Variants in ANKRD30B observed in about 807,000 individuals in gnomAD.
ANKRD30B encodes ankyrin repeat domain-containing protein 30B.
A neutral mutation model predicts 202.2 loss-of-function variants in ANKRD30B; 144 were observed. The ratio of observed to expected loss-of-function variants is 0.71; its 90% CI spans 0.62 to 0.82. The LOEUF is 0.82. Among genes scored for constraint, ANKRD30B ranks in the 40% least tolerant of loss-of-function variants. The pLI is 0.00. For missense variants in ANKRD30B, 1,487 were observed against 1,669.1 expected (o/e 0.89, Z 1.90); for synonymous variants, 508 against 561.3 (o/e 0.91, Z 1.34).
chr18:14,909,654 T>G, the ANKRD30B span, among the ~76,000 whole-genome samples: 1 of 152,198 alleles, frequency 6.6e-6, no homozygotes. Context: ...GTGATCCACA[T>G]GCTTGGCCTC....
At chr18:14,892,770 T>C in the ANKRD30B span, among the ~76,000 whole-genome samples, 1 of 94,314 alleles carries the variant, frequency 1.1e-5, no homozygotes, top group Admixed American at 1.1e-4. Context: ...AAAAAAAAAT[T>C]AGTTGGGCAT....
rs1217985479 is a variant in ANKRD30B, at chr18:14,807,986, T to G, written c.2285-565T>G. Among the ~76,000 whole-genome samples the G allele has an allele frequency of 1.3e-5, 2 of 151,084 alleles. 1 individual carries two copies. The highest frequency in any genetic ancestry group is 2.9e-5 in the Non-Finnish European group (2 of 67,808). ...ATATTCATAACTTTTATTCTATAAG[T>G]AGATATTTATGCTGATAAATTTAGA... On this transcript the variant is annotated intron_variant, in intron 24 of 43. Coordinates refer to ENST00000690538, the MANE Select transcript of ANKRD30B (RefSeq NM_001367607.2).
chr18:14,768,174 T>G (rs1567991564), intron 7 of ANKRD30B, among the ~76,000 whole-genome samples: 1 of 152,116 alleles, frequency 6.6e-6, no homozygotes, highest in African/African-American at 2.4e-5. Context: ...TTCATGCCTA[T>G]GTAATAAAGC....
intron 30 of ANKRD30B, among the ~76,000 whole-genome samples, chr18:14,818,436 G>C (rs1394970603): frequency 1.3e-5 from 2 of 151,652 alleles, no homozygotes; most frequent in South Asian, 2.1e-4. Context: ...ATGTATACAT[G>C]TGCCATGCTG....
At chr18:14,816,077 T>C (rs1970085861) in intron 30 of ANKRD30B, 1 of 152,148 alleles carries the variant, frequency 6.6e-6, no homozygotes, top group African/African-American at 2.4e-5. Flanking sequence ...TTAAAGAACA[T>C]GGTGAATATT....
the ANKRD30B span, among the ~76,000 whole-genome samples, chr18:14,865,658 A>G: frequency 6.7e-6 from 1 of 149,012 alleles, no homozygotes; most frequent in African/African-American, 2.5e-5. Flanking sequence ...TCTTTATGCA[A>G]TGCCTTCTCC....
rs370210631 is a variant in ANKRD30B, at chr18:14,796,230, T to A, written c.1835T>A (p.Val612Asp). The change falls in exon 17 of 44, where the codon GTT (valine) becomes GAT (aspartate). Residue 612 changes from valine to aspartate, a missense_variant. By Grantham distance (152) the Val-to-Asp change is radical (BLOSUM62 -3). Coordinates refer to ENST00000690538, the MANE Select transcript of ANKRD30B (RefSeq NM_001367607.2). ...TLSGKLEESP[V>D]KDGLLKPTCG... ...GTCCCTTTACGTTTAGAGTCTCCTG[T>A]TAAAGATGGTCTTCTGAAGGTAATA... 3.1e-5 allele frequency: 49 copies of A among 1,600,892 alleles called. 1 individual carries two copies. The highest frequency in any genetic ancestry group is 1.9e-4 in the South Asian group (17 of 90,764).
chr18:14,791,358 G>GGATTT, intron 15 of ANKRD30B, 43 bp from the exon 16 acceptor site: 1 of 1,506,770 alleles, frequency 6.6e-7, no homozygotes, highest in Non-Finnish European at 9.1e-7. Flanking sequence ...TTCATTACTA[G>GGATTT]GATTTTTTCA....
At chr18:14,842,864 T>G (rs1339692189) in intron 37 of ANKRD30B, 33 bp from the exon 38 acceptor site, 2 of 1,547,622 alleles carry the variant, frequency 1.3e-6, no homozygotes, top group African/African-American at 2.7e-5. Flanking sequence ...CATATTTACT[T>G]ATGACTGATA....
At chr18:14,784,192 C>A in intron 12 of ANKRD30B, 144 bp from the exon 13 acceptor site, 4 of 807,674 alleles carry the variant, frequency 5.0e-6, no homozygotes, top group Non-Finnish European at 7.9e-6. Context: ...GTGTCCTAAA[C>A]AAACCAAAAG....
chr18:14,852,351 G>C lies in ANKRD30B; in HGVS notation c.4407G>C (p.Glu1469Asp), dbSNP rs1278044793. The C allele has an allele frequency of 6.5e-7, 1 of 1,541,058 alleles. No homozygotes were observed. Among genetic ancestry groups the C allele is most frequent in the East Asian group, 2.4e-5 (1 of 40,852 alleles). The change falls in exon 42 of 44, where the codon GAG becomes GAC. Residue 1469 changes from glutamate (E) to aspartate (D), a missense_variant. By Grantham distance (45) the Glu-to-Asp change is conservative (BLOSUM62 2). This residue lies in a region of ANKRD30B where 182 missense variants were observed against 216.0 expected (regional missense o/e 0.84). Coordinates refer to ENST00000690538, the MANE Select transcript of ANKRD30B (RefSeq NM_001367607.2). ...MQRHLNEKNE[E>D]VFNYGNHLKE... is the part of the protein sequence containing the mutation. ...GTCATCTAAACGAGAAAAATGAGGA[G>C]GTATTCAATTATGGTAACCATTTAA... is the stretch of plus-strand genomic sequence containing the variant.
chr18:14,753,878 TAGA>T (rs1263916749), intron 3 of ANKRD30B, among the ~76,000 whole-genome samples: 23 of 152,122 alleles, frequency 1.5e-4, no homozygotes, highest in Admixed American at 1.1e-3. Context: ...ATAGATGAGT[TAGA>T]ACTTTCATTA....
chr18:14,888,393 GTAACA>G, the ANKRD30B span, among the ~76,000 whole-genome samples: 1 of 151,914 alleles, frequency 6.6e-6, no homozygotes, highest in Admixed American at 6.6e-5. Flanking sequence ...GTAATCAAAT[GTAACA>G]TACTCTTAAG....
chr18:14,893,456 C>T, the ANKRD30B span, among the ~76,000 whole-genome samples: 1 of 152,004 alleles, frequency 6.6e-6, no homozygotes. Context: ...ACTAAAAATA[C>T]AAAAATTAGC....
intron 33 of ANKRD30B, chr18:14,830,192 G>A (rs1970842423): frequency 1.3e-5 from 2 of 154,524 alleles, no homozygotes; most frequent in South Asian, 2.0e-4. Context: ...GGAAGTGGGA[G>A]ACACTTTCAC....
At chr18:14,764,221 T>A (rs1915732896) in intron 7 of ANKRD30B, 131 bp downstream of exon 7, 1 of 946,332 alleles carries the variant, frequency 1.1e-6, no homozygotes, top group African/African-American at 1.7e-5. Flanking sequence ...CACTTTTTAA[T>A]AGTGTAGAAA....
At chr18:14,821,793 CT>C (rs1420022767) in intron 30 of ANKRD30B, among the ~76,000 whole-genome samples, 1 of 152,122 alleles carries the variant, frequency 6.6e-6, no homozygotes, top group African/African-American at 2.4e-5. Context: ...TTTGACTTTT[CT>C]GTATAAGTGG....
In ANKRD30B at chr18:14,850,415, C is replaced by T. The variant is rs758821014; in HGVS notation, c.3564+33C>T. 10 of 1,471,356 alleles carry T rather than the reference C, an allele frequency of 6.8e-6. No homozygotes were observed. The South Asian group carries it at 1.1e-4, about 16-fold the overall frequency. 91.1% of individuals were successfully genotyped at this position (1,471,356 alleles called of 1,614,324 possible). A position where few individuals can be genotyped will look rare whatever the true frequency, so the allele number is the denominator to read the frequency against. On this transcript the variant is annotated intron_variant, in intron 41 of 43. Transcript: ENST00000690538. ...AATCTCTGGCAAAAATTTTATATTT[C>T]TGACTTTATTTCATCAGTATTACTT... is the stretch of plus-strand genomic sequence containing the variant.
the ANKRD30B span, among the ~76,000 whole-genome samples, chr18:14,918,507 G>A: frequency 1.3e-5 from 2 of 152,052 alleles, no homozygotes; most frequent in Non-Finnish European, 1.5e-5. Context: ...CAGGCTCCCC[G>A]ACTCCAGGCA....
Sources: allele counts gnomAD v4.1 joint callset (sites outside exome capture counted in the v4.1 genomes callset), GRCh38; gene constraint gnomAD v4.1.1; regional missense constraint gnomAD v4.1.1; transcripts MANE v1.5; gene names NCBI Gene and HGNC (gene_info 2026-07-23, HGNC 2026-07-21).